RABGAP1L: variants seen among roughly 807,000 people sequenced by gnomAD.
RABGAP1L encodes rab GTPase-activating protein 1-like.
A neutral mutation model predicts 137.7 loss-of-function variants in RABGAP1L; 63 were observed. That is an observed-to-expected ratio of 0.46 (90% CI 0.37 to 0.56). The LOEUF is 0.56. Among genes scored for constraint, RABGAP1L ranks in the 20% least tolerant of loss-of-function variants. The pLI, the probability that RABGAP1L is intolerant of heterozygous loss-of-function variation, is 0.00. For synonymous variants in RABGAP1L, 431 were observed against 433.7 expected (o/e 0.99, Z 0.08); for missense variants, 1,095 against 1,244.0 (o/e 0.88, Z 1.80).
intron 17 of RABGAP1L, among the ~76,000 whole-genome samples, chr1:174,726,472 T>A (rs1307185969): frequency 6.6e-6 from 1 of 152,076 alleles, no homozygotes; most frequent in African/African-American, 2.4e-5. Context: ...TAATTTTGTT[T>A]TTGTTATCAG....
chr1:174,955,933 AATAAT>A (rs1330793535), intron 19 of RABGAP1L, among the ~76,000 whole-genome samples: 6 of 152,216 alleles, frequency 3.9e-5, no homozygotes, highest in Non-Finnish European at 7.3e-5. Flanking sequence ...GTTAAAATAA[AATAAT>A]ATAAGTAAGG....
intron 11 of RABGAP1L, among the ~76,000 whole-genome samples, chr1:174,361,829 C>G (rs141930623): frequency 2.8e-4 from 43 of 152,232 alleles, no homozygotes; most frequent in African/African-American, 9.9e-4. Context: ...CAGATTGTTA[C>G]ATAGGTAAAT....
intron 3 of RABGAP1L, among the ~76,000 whole-genome samples, chr1:174,227,400 A>C: frequency 6.7e-6 from 1 of 149,684 alleles, no homozygotes; most frequent in African/African-American, 2.5e-5. Context: ...ATGGGGTTTC[A>C]CCCTGTTGGC....
chr1:174,343,485 T>A (rs1682163484), intron 11 of RABGAP1L, among the ~76,000 whole-genome samples: 1 of 152,180 alleles, frequency 6.6e-6, no homozygotes, highest in Admixed American at 6.5e-5. Flanking sequence ...TAGTTCACAA[T>A]AAATATCTCA....
intron 7 of RABGAP1L, among the ~76,000 whole-genome samples, chr1:174,253,784 C>T (rs1055959477): frequency 7.9e-5 from 12 of 152,108 alleles, no homozygotes; most frequent in African/African-American, 2.9e-4. Context: ...ATTAATTTAA[C>T]TTTGAAGTAT....
intron 4 of RABGAP1L, among the ~76,000 whole-genome samples, chr1:174,236,912 T>C (rs1165759718): frequency 2.1e-5 from 2 of 94,052 alleles, no homozygotes; most frequent in East Asian, 3.1e-4. Context: ...CTAAGTCTCT[T>C]TGTAGGTCAC....
intron 13 of RABGAP1L, among the ~76,000 whole-genome samples, chr1:174,550,853 G>A (rs1234745113): frequency 1.5e-5 from 1 of 68,164 alleles, no homozygotes; most frequent in Non-Finnish European, 2.8e-5. Flanking sequence ...CCCCGTCTCT[G>A]CTAAATATAT....
intron 10 of RABGAP1L, among the ~76,000 whole-genome samples, chr1:174,302,057 C>T (rs1677759556): frequency 6.6e-6 from 1 of 152,180 alleles, no homozygotes; most frequent in Non-Finnish European, 1.5e-5. Flanking sequence ...CAGGGAAAGA[C>T]TTTTCAAAGG....
chr1:174,620,522 T>A (rs1042417091), intron 13 of RABGAP1L, among the ~76,000 whole-genome samples: 1 of 152,142 alleles, frequency 6.6e-6, no homozygotes, highest in Non-Finnish European at 1.5e-5. Flanking sequence ...AACAACCTGC[T>A]CCTGAATGAC....
chr1:174,624,873 CTT>C (rs562834068), intron 13 of RABGAP1L, among the ~76,000 whole-genome samples: 13 of 131,098 alleles, frequency 9.9e-5, no homozygotes, highest in Middle Eastern at 3.8e-3. Context: ...TTTATCTTGC[CTT>C]TTTTTTTTTT....
At chr1:174,256,050 A>G (rs571932602) in intron 7 of RABGAP1L, among the ~76,000 whole-genome samples, 2 of 152,204 alleles carry the variant, frequency 1.3e-5, no homozygotes, top group African/African-American at 4.8e-5. Context: ...TTGCCTTCCT[A>G]TTTTGCCAGT....
chr1:174,665,386 T>C (rs1200685320), intron 14 of RABGAP1L, among the ~76,000 whole-genome samples: 1 of 151,156 alleles, frequency 6.6e-6, no homozygotes, highest in Admixed American at 6.6e-5. Flanking sequence ...TTTCCTTTCC[T>C]TTCTTTCTTT....
At chr1:174,444,717 G>C (rs1019894365) in intron 13 of RABGAP1L, among the ~76,000 whole-genome samples, 3 of 151,948 alleles carry the variant, frequency 2.0e-5, no homozygotes, top group Non-Finnish European at 2.9e-5. Context: ...AGGTTTTCCA[G>C]TTTGTTGGCA....
intron 1 of RABGAP1L, among the ~76,000 whole-genome samples, chr1:174,215,061 AT>A (rs1341443786): frequency 6.6e-6 from 1 of 152,156 alleles, no homozygotes; most frequent in East Asian, 1.9e-4. Context: ...AACCCACAGA[AT>A]GGGAGAAAAT....
intron 12 of RABGAP1L, among the ~76,000 whole-genome samples, chr1:174,377,841 T>C (rs993138703): frequency 2.7e-5 from 4 of 148,428 alleles, no homozygotes; most frequent in African/African-American, 2.5e-5. Context: ...TTGTGCAGGT[T>C]AGTTACATAT....
At chr1:174,748,727 TATCTG>T (rs1684081916) in intron 17 of RABGAP1L, among the ~76,000 whole-genome samples, 1 of 151,626 alleles carries the variant, frequency 6.6e-6, no homozygotes, top group Non-Finnish European at 1.5e-5. Flanking sequence ...AAAAAAAAAT[TATCTG>T]GGCGTGGTGG....
chr1:174,202,753 T>G (rs541546499), intron 1 of RABGAP1L, among the ~76,000 whole-genome samples: 11 of 152,334 alleles, frequency 7.2e-5, no homozygotes, highest in African/African-American at 2.2e-4. Flanking sequence ...TGGTATTGCC[T>G]AGGTTTTCTT....
chr1:174,964,456 C>T (rs763245), intron 20 of RABGAP1L, among the ~76,000 whole-genome samples: 147,914 of 152,312 alleles, frequency 0.97, 71,871 homozygotes, highest in East Asian at 1. Flanking sequence ...TCCCTTGAAC[C>T]GCTTCACCCA....
intron 19 of RABGAP1L, chr1:174,877,573 A>G (rs983352538): frequency 1.2e-6 from 2 of 1,613,632 alleles, no homozygotes; most frequent in Admixed American, 3.3e-5. Flanking sequence ...CTTCCTCACT[A>G]GTCTGGTGGC....
Sources: allele counts gnomAD v4.1 joint callset (sites outside exome capture counted in the v4.1 genomes callset), GRCh38; gene constraint gnomAD v4.1.1; transcripts MANE v1.5; gene names NCBI Gene and HGNC (gene_info 2026-07-23, HGNC 2026-07-21).